The following ATP6V1A variants were observed in gnomAD, a reference collection of about 807,000 sequenced individuals.
ATP6V1A encodes V-type proton ATPase catalytic subunit A.
Under a neutral mutation model 70.1 loss-of-function variants are expected in ATP6V1A, and 18 were observed. That is an observed-to-expected ratio of 0.26 (90% CI 0.18 to 0.38). The LOEUF is 0.38. ATP6V1A is among the 10% of genes least tolerant of loss of function. The pLI, the probability that ATP6V1A is intolerant of heterozygous loss-of-function variation, is 1.00. For missense variants in ATP6V1A, 424 were observed against 772.4 expected, an observed-to-expected ratio of 0.55 and a Z score of 5.35; for synonymous variants, 232 against 253.8, an observed-to-expected ratio of 0.91 and a Z score of 0.82.
At chr3:113,803,905 T>C (rs1709248229) in intron 13 of ATP6V1A, among the ~76,000 whole-genome samples, 1 of 152,188 alleles carries the variant, frequency 6.6e-6, no homozygotes, top group Non-Finnish European at 1.5e-5. Context: ...CATCTATAAT[T>C]AGATTTAATT....
chr3:113,761,461 G>A (rs1708704363), intron 1 of ATP6V1A, among the ~76,000 whole-genome samples: 1 of 151,972 alleles, frequency 6.6e-6, no homozygotes, highest in Admixed American at 6.6e-5. Context: ...TTTCGGCTGG[G>A]CTTGGTGGCT....
At chr3:113,755,318 T>C (rs1708635410) in intron 1 of ATP6V1A, among the ~76,000 whole-genome samples, 1 of 151,676 alleles carries the variant, frequency 6.6e-6, no homozygotes, top group African/African-American at 2.4e-5. Flanking sequence ...TATATATATT[T>C]GCCAGCTGGG....
chr3:113,781,140 A>C lies in ATP6V1A; in HGVS notation c.173A>C (p.Glu58Ala). ...SELVGEIIRL[E>A]GDMATIQVYE... Reference sequence around the variant, plus strand: ...TTGGTTGGAGAGATTATTCGATTGGAGGGTGACATGGCTACTATTCAGGTG... The same window carrying C: ...TTGGTTGGAGAGATTATTCGATTGGCGGGTGACATGGCTACTATTCAGGTG... The change falls in exon 3 of 15, where the codon GAG becomes GCG. Residue 58 changes from glutamate to alanine, a missense_variant. This residue lies in a region of ATP6V1A where 31 missense variants were observed against 78.6 expected (regional missense o/e 0.39). Transcript: ENST00000273398. The C allele has an allele frequency of 1.9e-6, 3 of 1,613,736 alleles. No individual in the cohort carries two copies. Among genetic ancestry groups the C allele is most frequent in the Non-Finnish European group, 2.5e-6 (3 of 1,179,750 alleles).
At chr3:113,795,792 GTTAACA>G in intron 10 of ATP6V1A, 78 bp from the exon 11 acceptor site, 1 of 1,056,410 alleles carries the variant, frequency 9.5e-7, no homozygotes, top group Non-Finnish European at 1.3e-6. Flanking sequence ...TTTAAAAAAA[GTTAACA>G]TTTATATATA....
At chr3:113,763,388 T>A (rs1708728619) in intron 1 of ATP6V1A, among the ~76,000 whole-genome samples, 1 of 152,198 alleles carries the variant, frequency 6.6e-6, no homozygotes, top group African/African-American at 2.4e-5. Context: ...CACCCAGTCC[T>A]TCCATGTATT....
chr3:113,802,104 A>C (rs1412377396), intron 12 of ATP6V1A, among the ~76,000 whole-genome samples: 1 of 152,146 alleles, frequency 6.6e-6, no homozygotes, highest in Non-Finnish European at 1.5e-5. Flanking sequence ...GTGATATTTA[A>C]AGGGTGAAGC....
In ATP6V1A at chr3:113,748,808, T is replaced by C. The variant is rs191640467; in HGVS notation, c.-14+1695T>C. Among the ~76,000 whole-genome samples the C allele has an allele frequency of 1.8e-4, 27 of 152,360 alleles. No homozygotes were observed. The East Asian group carries it at 5.2e-3, about 29-fold the overall frequency. On this transcript the variant is annotated intron_variant, in intron 1 of 14. Coordinates refer to ENST00000273398, the MANE Select transcript of ATP6V1A (RefSeq NM_001690.4). ...AGCATTTCGTACTTACGACCCATACTGGACAATAGACTAATGTATTGATAT... is the reference window on the plus strand; with the variant it reads ...AGCATTTCGTACTTACGACCCATACCGGACAATAGACTAATGTATTGATAT...
intron 1 of ATP6V1A, among the ~76,000 whole-genome samples, chr3:113,772,727 C>CAA (rs570501520): frequency 2.7e-5 from 3 of 112,868 alleles, no homozygotes; most frequent in Non-Finnish European, 3.7e-5. Context: ...GACTCCATCT[C>CAA]AAAAAAAAAA....
At chr3:113,759,420 A>G (rs534757522) in intron 1 of ATP6V1A, among the ~76,000 whole-genome samples, 2 of 151,902 alleles carry the variant, frequency 1.3e-5, no homozygotes, top group East Asian at 3.9e-4. Context: ...GTTGGAGTAG[A>G]GCCTTTTTGA....
chr3:113,803,754 C>T (rs1044955378), intron 13 of ATP6V1A, 77 bp downstream of exon 13: 3 of 1,095,244 alleles, frequency 2.7e-6, no homozygotes, highest in Non-Finnish European at 4.1e-6. Flanking sequence ...ATTAAAAACC[C>T]TTTTTTATTC....
intron 3 of ATP6V1A, among the ~76,000 whole-genome samples, chr3:113,782,130 G>A (rs889051057): frequency 6.6e-6 from 1 of 152,056 alleles, no homozygotes; most frequent in Non-Finnish European, 1.5e-5. Flanking sequence ...TATTTGGTAC[G>A]ACGTTTTTGC....
chr3:113,778,532 C>T (rs1708941980), intron 1 of ATP6V1A, among the ~76,000 whole-genome samples: 1 of 152,140 alleles, frequency 6.6e-6, no homozygotes, highest in Non-Finnish European at 1.5e-5. Flanking sequence ...ATGACTGTAC[C>T]ACCACACTCC....
At chr3:113,758,735 T>C (rs1708671634) in intron 1 of ATP6V1A, among the ~76,000 whole-genome samples, 1 of 152,234 alleles carries the variant, frequency 6.6e-6, no homozygotes, top group Non-Finnish European at 1.5e-5. Context: ...TTTAACTTTC[T>C]AAGAAACTGC....
At chr3:113,807,483 AT>A (rs1346001953) in intron 14 of ATP6V1A, among the ~76,000 whole-genome samples, 2 of 152,112 alleles carry the variant, frequency 1.3e-5, no homozygotes, top group Non-Finnish European at 2.9e-5. Context: ...GCTAAACCAA[AT>A]TTCTTAAATG....
At chr3:113,748,291 A>G (rs1577077101) in intron 1 of ATP6V1A, among the ~76,000 whole-genome samples, 1 of 152,370 alleles carries the variant, frequency 6.6e-6, no homozygotes, top group East Asian at 1.9e-4. Flanking sequence ...ATCCCAAACA[A>G]TGTGCTTTAG....
At chr3:113,779,985 G>A (rs528903952) in intron 2 of ATP6V1A, among the ~76,000 whole-genome samples, 27 of 152,162 alleles carry the variant, frequency 1.8e-4, no homozygotes, top group African/African-American at 4.8e-4. Flanking sequence ...TAAGCCCCAC[G>A]TGCGTTAGGT....
chr3:113,792,563 T>C (rs1261161231), intron 8 of ATP6V1A, among the ~76,000 whole-genome samples: 1 of 152,238 alleles, frequency 6.6e-6, no homozygotes, highest in East Asian at 1.9e-4. Flanking sequence ...GGGCAACTTC[T>C]AGCCTCAAGA....
intron 2 of ATP6V1A, chr3:113,780,826 A>T (rs112959615): frequency 4.5e-6 from 6 of 1,327,300 alleles, no homozygotes; most frequent in South Asian, 3.9e-5. Flanking sequence ...AAAAGTTTTC[A>T]TGTATATTAT....
intron 1 of ATP6V1A, among the ~76,000 whole-genome samples, chr3:113,751,520 C>T (rs1002236513): frequency 6.6e-6 from 1 of 151,636 alleles, no homozygotes; most frequent in African/African-American, 2.4e-5. Context: ...ATTCTTTATA[C>T]TAAGTAACTT....
Sources: allele counts gnomAD v4.1 joint callset (sites outside exome capture counted in the v4.1 genomes callset), GRCh38; gene constraint gnomAD v4.1.1; regional missense constraint gnomAD v4.1.1; transcripts MANE v1.5; gene names NCBI Gene and HGNC (gene_info 2026-07-23, HGNC 2026-07-21).